The following AEBP2 variants were observed in gnomAD, a reference collection of about 807,000 sequenced individuals.
AEBP2 encodes AE binding protein 2.
A neutral mutation model predicts 50.8 loss-of-function variants in AEBP2; 10 were observed. The ratio of observed to expected loss-of-function variants is 0.20; its 90% CI spans 0.12 to 0.33. The LOEUF is 0.33. AEBP2 is among the 10% of genes least tolerant of loss of function. AEBP2 has a pLI of 1.00. For synonymous variants in AEBP2, 296 were observed against 261.3 expected (o/e 1.13, Z -1.28); for missense variants, 570 against 688.0 (o/e 0.83, Z 1.92).
chr12:19,492,590 A>G (rs970587484), intron 3 of AEBP2, among the ~76,000 whole-genome samples: 2 of 151,974 alleles, frequency 1.3e-5, no homozygotes, highest in African/African-American at 2.4e-5. Context: ...AAAAAACAAA[A>G]TAAAATAAAA....
intron 3 of AEBP2, among the ~76,000 whole-genome samples, chr12:19,488,726 T>C (rs1206684319): frequency 6.6e-6 from 1 of 152,102 alleles, no homozygotes; most frequent in Non-Finnish European, 1.5e-5. Context: ...ATAAATTTGT[T>C]CGGAAAAAGA....
intron 5 of AEBP2, among the ~76,000 whole-genome samples, chr12:19,508,031 A>G (rs1486591807): frequency 3.3e-5 from 5 of 152,208 alleles, no homozygotes; most frequent in Admixed American, 3.3e-4. Context: ...AGAGGTCAGC[A>G]AAATCCTAGT....
intron 5 of AEBP2, among the ~76,000 whole-genome samples, chr12:19,504,742 C>T (rs1949130968): frequency 6.6e-6 from 1 of 151,764 alleles, no homozygotes; most frequent in African/African-American, 2.4e-5. Flanking sequence ...TTATTGACAG[C>T]AAATATACCA....
intron 1 of AEBP2, chr12:19,413,281 A>G: frequency 2.3e-6 from 3 of 1,289,956 alleles, no homozygotes; most frequent in Non-Finnish European, 3.4e-6. Context: ...TAAAGCCTGA[A>G]AAAACTAAAG....
chr12:19,504,626 A>G (rs926966027), intron 5 of AEBP2, among the ~76,000 whole-genome samples: 28 of 152,096 alleles, frequency 1.8e-4, no homozygotes, highest in Admixed American at 1.3e-4. Flanking sequence ...CTCTTGTGGT[A>G]TTTAGATTGA....
At chr12:19,442,053 A>C (rs1226998599) in intron 1 of AEBP2, among the ~76,000 whole-genome samples, 2 of 152,182 alleles carry the variant, frequency 1.3e-5, no homozygotes, top group African/African-American at 4.8e-5. Context: ...GGTGGGCTGG[A>C]TATGAGCAAA....
chr12:19,515,683 G>T (rs1053478210), intron 7 of AEBP2, among the ~76,000 whole-genome samples: 4 of 152,058 alleles, frequency 2.6e-5, no homozygotes, highest in African/African-American at 7.2e-5. Context: ...TTCATTCCAC[G>T]ATGCACCTTT....
At position 19,417,259 on chromosome 12, in the gene AEBP2, A is replaced by G. The variant is rs992756393; in HGVS notation, c.-17+13043A>G. ...AGTGATTATTCAAACTACTACCTAG[A>G]TCTTCTAAATACACGCCGTACAACT... is the stretch of plus-strand genomic sequence containing the variant. On this transcript the variant is annotated intron_variant, in intron 1 of 3. Transcript: ENST00000538425. Among the ~76,000 whole-genome samples the G allele has an allele frequency of 2.0e-5, 3 of 152,132 alleles. No homozygotes were observed. In the East Asian group the frequency reaches 5.8e-4, roughly 29 times the overall value.
chr12:19,497,633 G>T (rs750837552), intron 4 of AEBP2, among the ~76,000 whole-genome samples: 1 of 151,876 alleles, frequency 6.6e-6, no homozygotes, highest in Non-Finnish European at 1.5e-5. Flanking sequence ...CTACCATGCC[G>T]GGCTAATTTT....
At chr12:19,498,695 G>C (rs966620392) in intron 4 of AEBP2, among the ~76,000 whole-genome samples, 2 of 152,046 alleles carry the variant, frequency 1.3e-5, no homozygotes, top group African/African-American at 4.8e-5. Flanking sequence ...AACTTATTTT[G>C]AGCAACTTTC....
At chr12:19,507,705 A>G (rs1343528614) in intron 5 of AEBP2, among the ~76,000 whole-genome samples, 1 of 152,172 alleles carries the variant, frequency 6.6e-6, no homozygotes, top group Non-Finnish European at 1.5e-5. Context: ...AGACATCCAT[A>G]ATGAGATAAG....
chr12:19,461,070 G>T (rs1466009382), intron 1 of AEBP2, among the ~76,000 whole-genome samples: 3 of 152,104 alleles, frequency 2.0e-5, no homozygotes, highest in African/African-American at 7.2e-5. Flanking sequence ...AATGTTAATT[G>T]AATTCAGATT....
At chr12:19,406,850 T>C (rs1459808831) in intron 1 of AEBP2, among the ~76,000 whole-genome samples, 1 of 152,206 alleles carries the variant, frequency 6.6e-6, no homozygotes, top group African/African-American at 2.4e-5. Context: ...TTTAGGTCTG[T>C]GATCCATTTT....
chr12:19,423,805 C>T (rs771124887), intron 1 of AEBP2, among the ~76,000 whole-genome samples: 1 of 151,824 alleles, frequency 6.6e-6, no homozygotes, highest in Non-Finnish European at 1.5e-5. Context: ...TGCGCCACTG[C>T]GCTCCAGCCT....
At chr12:19,457,161 A>G in intron 1 of AEBP2, 1 of 1,597,738 alleles carries the variant, frequency 6.3e-7, no homozygotes, top group Non-Finnish European at 8.5e-7. Flanking sequence ...AGGGTGGCTC[A>G]GTGGAATCCA....
At chr12:19,449,022 A>G (rs1565707976) in intron 1 of AEBP2, among the ~76,000 whole-genome samples, 1 of 152,172 alleles carries the variant, frequency 6.6e-6, no homozygotes, top group Non-Finnish European at 1.5e-5. Context: ...CAAAGAGTAG[A>G]TGAATTGGCA....
At position 19,456,292 on chromosome 12, in the gene AEBP2, C is replaced by T. The variant is rs975278987; in HGVS notation, c.672-6218C>T. On this transcript the variant is annotated intron_variant, in intron 1 of 7. Coordinates refer to ENST00000266508, the MANE Select transcript of AEBP2 (RefSeq NM_153207.5). The stretch of plus-strand genomic sequence containing the variant: ...TGGGCAGATTTGGTGACCTTGCCAG[C>T]TCCAGCAGCCTTCTTGTTCACTGCT... The T allele has an allele frequency of 4.6e-6, 7 of 1,523,892 alleles. No homozygotes were observed. In the Admixed American group the frequency reaches 1.0e-4, roughly 22 times the overall value. 94.4% of individuals were successfully genotyped at this position (1,523,892 alleles called of 1,614,324 possible). A position where few individuals can be genotyped will look rare whatever the true frequency, so the allele number is the denominator to read the frequency against.
At chr12:19,436,342 C>G (rs1220743796), upstream of AEBP2, among the ~76,000 whole-genome samples, 1 of 152,128 alleles carries the variant, frequency 6.6e-6, no homozygotes, top group Non-Finnish European at 1.5e-5. Flanking sequence ...TAATCTACCC[C>G]TTGTTTAGCG....
intron 6 of AEBP2, among the ~76,000 whole-genome samples, chr12:19,513,474 A>G (rs1949267323): frequency 6.6e-6 from 1 of 152,158 alleles, no homozygotes; most frequent in Non-Finnish European, 1.5e-5. Context: ...TATGTGGCCA[A>G]TGGCTGGGCG....
Sources: allele counts gnomAD v4.1 joint callset (sites outside exome capture counted in the v4.1 genomes callset), GRCh38; gene constraint gnomAD v4.1.1; transcripts MANE v1.5; gene names NCBI Gene and HGNC (gene_info 2026-07-23, HGNC 2026-07-21).